PTPRR: variants seen among roughly 807,000 people sequenced by gnomAD.
The protein encoded by PTPRR is protein tyrosine phosphatase receptor type R.
In PTPRR, 38 loss-of-function variants were observed where a neutral mutation model predicts 77.2. The ratio of observed to expected loss-of-function variants is 0.49; its 90% CI spans 0.38 to 0.65. The LOEUF (loss-of-function observed/expected upper bound fraction) is 0.65, where lower values mean the gene tolerates loss of function less well. PTPRR is among the 30% of genes least tolerant of loss of function. The pLI is 0.00. For synonymous variants in PTPRR, 299 were observed against 283.1 expected, an observed-to-expected ratio of 1.06 and a Z score of -0.57; for missense variants, 744 against 799.2, an observed-to-expected ratio of 0.93 and a Z score of 0.83.
In PTPRR at chr12:70,795,913, A is replaced by ATTTTTTTTT. The variant is rs71437157; in HGVS notation, c.358-31144_358-31136dup. Among the ~76,000 whole-genome samples, 510 of 88,388 alleles carry ATTTTTTTTT rather than the reference A, an allele frequency of 5.8e-3. 204 individuals carry two copies. Among genetic ancestry groups the ATTTTTTTTT allele is most frequent in the South Asian group, 0.014 (35 of 2,564 alleles). The allele number at this position is 88,388 out of a possible 152,430, so 58.0% of individuals were successfully genotyped here. ...TATATGTTCAAAATGTATTTAGTAG[A>ATTTTTTTTT]TTTTTTTTTTTTTTTTTTTTTTTTT... On this transcript the variant is annotated intron_variant, in intron 2 of 13. Transcript: ENST00000283228.
In PTPRR at chr12:70,698,248, A is replaced by G. The variant is rs1888299757; in HGVS notation, c.1279+17T>C. On this transcript the variant is annotated intron_variant, in intron 8 of 13. Coordinates refer to ENST00000283228, the MANE Select transcript of PTPRR (RefSeq NM_002849.4). ...TTGCCCCCCATACAATGCAAATTAT[A>G]AAATCAAGAAGCTTACTTGGTAAAA... 6.2e-7 allele frequency: 1 copy of G among 1,607,204 alleles called. No homozygotes were observed. Among genetic ancestry groups the G allele is most frequent in the Non-Finnish European group, 8.5e-7 (1 of 1,174,336 alleles).
chr12:70,816,552 T>C (rs1195782268), intron 2 of PTPRR, among the ~76,000 whole-genome samples: 1 of 152,032 alleles, frequency 6.6e-6, no homozygotes, highest in Non-Finnish European at 1.5e-5. Context: ...TTATTTTTGG[T>C]AAGTTTTATA....
chr12:70,823,006 G>A (rs1045282872), intron 2 of PTPRR, among the ~76,000 whole-genome samples: 1 of 150,844 alleles, frequency 6.6e-6, no homozygotes, highest in Non-Finnish European at 1.5e-5. Context: ...CATTTTGGGG[G>A]CTTATCTCCT....
In PTPRR at chr12:70,747,512, G is replaced by T. The variant is rs145580102; in HGVS notation, c.739-1426C>A. On this transcript the variant is annotated intron_variant, in intron 5 of 13. Coordinates refer to ENST00000283228, the MANE Select transcript of PTPRR (RefSeq NM_002849.4). ...TTTTGGAGAAATATGAATCAACAAC[G>T]AAAATGGGAAAGCCAAGGAAATCTT... is the stretch of plus-strand genomic sequence containing the variant. 2.0e-5 allele frequency among the ~76,000 whole-genome samples: 3 copies of T among 152,094 alleles called. No individual in the cohort carries two copies. The East Asian group carries it at 5.8e-4, about 29-fold the overall frequency.
Position 70,745,939 on chromosome 12 carries a change from G to C in PTPRR, c.886C>G (p.Pro296Ala), listed in dbSNP as rs1044190393. Residue 296 changes from proline to alanine, a missense_variant, in exon 6 of 14, where the codon CCA becomes GCA. Physicochemically the swap from Pro to Ala is conservative, Grantham distance 27 (BLOSUM62 -1). Coordinates refer to ENST00000283228, the MANE Select transcript of PTPRR (RefSeq NM_002849.4). ...VHSMVQPEQA[P>A]KVLNVVVDPQ... ...TCCACGACAACATTCAGTACCTTTG[G>C]GGCCTGCTCAGGTTGGACCATGCTG... The C allele has an allele frequency of 1.2e-6, 2 of 1,613,954 alleles. No individual in the cohort carries two copies. Among genetic ancestry groups the C allele is most frequent in the African/African-American group, 1.3e-5 (1 of 74,880 alleles).
intron 2 of PTPRR, among the ~76,000 whole-genome samples, chr12:70,886,084 T>G (rs1331847139): frequency 6.6e-6 from 1 of 152,160 alleles, no homozygotes; most frequent in Admixed American, 6.5e-5. Context: ...GGTTGTAACC[T>G]CACACAGACA....
At chr12:70,764,863 G>T (rs1267201033) in intron 2 of PTPRR, 85 bp from the exon 3 acceptor site, 1 of 991,690 alleles carries the variant, frequency 1.0e-6, no homozygotes, top group Non-Finnish European at 1.5e-6. Context: ...GTATTAATAA[G>T]TTCACGACAT....
intron 2 of PTPRR, among the ~76,000 whole-genome samples, chr12:70,868,703 T>C (rs372129520): frequency 1.3e-5 from 2 of 152,004 alleles, no homozygotes; most frequent in East Asian, 1.9e-4. Flanking sequence ...ACCCAAAGGA[T>C]TATAAATCAT....
chr12:70,745,097 C>A (rs1890170892), intron 6 of PTPRR, among the ~76,000 whole-genome samples: 1 of 151,986 alleles, frequency 6.6e-6, no homozygotes. Context: ...TAGAGTTTCA[C>A]TCTGTTGCCA....
chr12:70,646,828 C>T (rs1886217223), intron 13 of PTPRR, among the ~76,000 whole-genome samples: 1 of 151,712 alleles, frequency 6.6e-6, no homozygotes, highest in Non-Finnish European at 1.5e-5. Flanking sequence ...GACCAACAAG[C>T]AGAAACTTTA....
intron 4 of PTPRR, among the ~76,000 whole-genome samples, chr12:70,760,091 C>G (rs1890658753): frequency 1.3e-5 from 2 of 152,190 alleles, no homozygotes. Flanking sequence ...GACATATATT[C>G]TCATTGTGCC....
intron 8 of PTPRR, among the ~76,000 whole-genome samples, chr12:70,686,441 C>T (rs116121463): frequency 4.8e-4 from 73 of 152,198 alleles, no homozygotes; most frequent in African/African-American, 1.2e-3. Context: ...CCCATGAGGA[C>T]GGTGATGGTT....
chr12:70,880,863 C>G (rs1463995048), intron 2 of PTPRR, among the ~76,000 whole-genome samples: 1 of 152,088 alleles, frequency 6.6e-6, no homozygotes, highest in Admixed American at 6.5e-5. Flanking sequence ...TTTCCTTTAA[C>G]TTGGCTATTT....
intron 2 of PTPRR, among the ~76,000 whole-genome samples, chr12:70,859,862 G>A (rs1214213818): frequency 1.3e-5 from 2 of 152,042 alleles, no homozygotes; most frequent in African/African-American, 2.4e-5. Context: ...AGGTATTACA[G>A]TGATAACCAC....
chr12:70,792,249 T>A (rs2137010804), intron 2 of PTPRR, among the ~76,000 whole-genome samples: 1 of 152,318 alleles, frequency 6.6e-6, no homozygotes, highest in South Asian at 2.1e-4. Flanking sequence ...ATGTACTCAA[T>A]AAATGTTACC....
In PTPRR at chr12:70,713,565, C is replaced by CT. The variant is rs35168919; in HGVS notation, c.1008-12243dup. Among the ~76,000 whole-genome samples, 397 of 140,544 alleles carry CT rather than the reference C, an allele frequency of 2.8e-3. 11 individuals are homozygous for CT. The highest frequency in any genetic ancestry group is 3.9e-3 in the African/African-American group (149 of 37,936). The allele number at this position is 140,544 out of a possible 152,430, so 92.2% of individuals were successfully genotyped here. The stretch of plus-strand genomic sequence containing the variant: ...CATTCTTGCTAATACTTGCTGCTGC[C>CT]TTTTTTTTTTTTTAATAATAGCCAT... On this transcript the variant is annotated intron_variant, in intron 6 of 13. Transcript: ENST00000283228.
At chr12:70,741,395 A>G (rs752738015) in intron 6 of PTPRR, among the ~76,000 whole-genome samples, 3 of 152,188 alleles carry the variant, frequency 2.0e-5, no homozygotes, top group Non-Finnish European at 4.4e-5. Flanking sequence ...CTGAATCAGT[A>G]GTGGGCTGGA....
At chr12:70,747,013 T>C (rs1411740618) in intron 5 of PTPRR, among the ~76,000 whole-genome samples, 3 of 152,240 alleles carry the variant, frequency 2.0e-5, no homozygotes, top group South Asian at 2.1e-4. Context: ...ATTTATCACA[T>C]GAATGAGAAA....
At chr12:70,656,937 G>A (rs1886606350) in intron 12 of PTPRR, 120 bp from the exon 13 acceptor site, 2 of 459,430 alleles carry the variant, frequency 4.4e-6, no homozygotes, top group Non-Finnish European at 7.8e-6. Context: ...CACATATTGA[G>A]TATTATAAAC....
Sources: gnomAD v4.1 joint callset for allele counts (sites outside exome capture counted in the v4.1 genomes callset) on GRCh38, gnomAD v4.1.1 for gene constraint, MANE v1.5 for transcripts, NCBI Gene and HGNC (gene_info 2026-07-23, HGNC 2026-07-21) for gene names.